SH3BP4: variants seen among roughly 807,000 people sequenced by gnomAD.
SH3BP4 encodes SH3 domain-binding protein 4.
Under a neutral mutation model 65.5 loss-of-function variants are expected in SH3BP4, and 33 were observed. That is an observed-to-expected ratio of 0.50 (90% CI 0.38 to 0.67). The LOEUF is 0.67. Ranked by LOEUF, SH3BP4 falls within the 30% of genes least tolerant of loss-of-function variation. The pLI, the probability that SH3BP4 is intolerant of heterozygous loss-of-function variation, is 0.00. For synonymous variants in SH3BP4, 552 were observed against 545.5 expected, an observed-to-expected ratio of 1.01 and a Z score of -0.17; for missense variants, 1,134 against 1,261.4, an observed-to-expected ratio of 0.90 and a Z score of 1.53.
chr2:235,017,087 T>C (rs1694709380), intron 2 of SH3BP4, among the ~76,000 whole-genome samples: 1 of 143,648 alleles, frequency 7.0e-6, no homozygotes, highest in Non-Finnish European at 1.5e-5. Context: ...AGCCTTCTCA[T>C]GTACCCAAAG....
chr2:235,032,398 A>G (rs774748725), intron 2 of SH3BP4, among the ~76,000 whole-genome samples: 2 of 152,194 alleles, frequency 1.3e-5, no homozygotes, highest in Non-Finnish European at 2.9e-5. Flanking sequence ...TCACCCACTC[A>G]TGGGTCTCTT....
At chr2:235,003,830 C>G (rs1694208034) in intron 2 of SH3BP4, among the ~76,000 whole-genome samples, 1 of 152,242 alleles carries the variant, frequency 6.6e-6, no homozygotes, top group Non-Finnish European at 1.5e-5. Flanking sequence ...GGCCCCACCC[C>G]TGTCCTCACC....
rs565683634 is a variant in SH3BP4 at position 234,978,947 on chromosome 2, G to C, written c.-206-16356G>C. ...TTTGGTTTGGCGAGGAGAGACAGCA[G>C]GATTTCTGGGTGCCGGACATGCTTC... On this transcript the variant is annotated intron_variant, in intron 1 of 5. Coordinates refer to ENST00000392011, the MANE Select transcript of SH3BP4 (RefSeq NM_014521.3). This position sits in a 1 kb window ranked among gnomAD's most constrained non-coding sequence, Gnocchi z 4.1. 1 of 152,302 alleles carries C rather than the reference G, an allele frequency of 6.6e-6. No individual in the cohort carries two copies. Among genetic ancestry groups the C allele is most frequent in the South Asian group, 2.1e-4 (1 of 4,810 alleles). The allele number at this position is 152,302 out of a possible 1,614,324, so 9.4% of individuals were successfully genotyped here. A position where few individuals can be genotyped will look rare whatever the true frequency, so the allele number is the denominator to read the frequency against.
In SH3BP4 at chr2:234,968,673, C is replaced by T. The variant is rs6707478; in HGVS notation, c.-207+16503C>T. ...TGTTGGACTGTCAGGTCTCAAGAGA[C>T]GGGCTTGGGTTTCCCTGTGTGGCTG... On this transcript the variant is annotated intron_variant, in intron 1 of 5. Coordinates refer to ENST00000392011, the MANE Select transcript of SH3BP4 (RefSeq NM_014521.3). Among the ~76,000 whole-genome samples the T allele has an allele frequency of 4.3e-3, 651 of 152,246 alleles. 1 individual carries two copies. The highest frequency in any genetic ancestry group is 0.011 in the African/African-American group (453 of 41,544).
At chr2:234,954,867 G>A (rs1692552736) in intron 1 of SH3BP4, among the ~76,000 whole-genome samples, 1 of 152,090 alleles carries the variant, frequency 6.6e-6, no homozygotes, top group Non-Finnish European at 1.5e-5. Flanking sequence ...CCCAAACAAG[G>A]TTGAGAGCTC....
chr2:235,029,771 C>G (rs538659577), intron 2 of SH3BP4, among the ~76,000 whole-genome samples: 8 of 152,284 alleles, frequency 5.3e-5, no homozygotes, highest in Admixed American at 3.3e-4. Flanking sequence ...TTCACGGGTG[C>G]GGCACTCGGG....
chr2:235,047,218 TA>T (rs1319679976), intron 4 of SH3BP4, among the ~76,000 whole-genome samples: 2 of 152,130 alleles, frequency 1.3e-5, no homozygotes, highest in African/African-American at 2.4e-5. Flanking sequence ...CAATAAGCCG[TA>T]GGGGGAGTCA....
At chr2:234,996,719 C>T (rs1288443757) in intron 2 of SH3BP4, among the ~76,000 whole-genome samples, 1 of 152,188 alleles carries the variant, frequency 6.6e-6, no homozygotes, top group South Asian at 2.1e-4. Context: ...AAATCAAAGG[C>T]GAGCACTGCA....
chr2:235,006,519 C>T (rs1413168427), intron 2 of SH3BP4, among the ~76,000 whole-genome samples: 4 of 152,180 alleles, frequency 2.6e-5, no homozygotes, highest in African/African-American at 9.6e-5. Context: ...GCAGGCGGGA[C>T]CACAGGACTC....
chr2:234,970,136 C>T (rs920566992), intron 1 of SH3BP4, among the ~76,000 whole-genome samples: 1 of 152,132 alleles, frequency 6.6e-6, no homozygotes, highest in Admixed American at 6.6e-5. Flanking sequence ...CTTACACACA[C>T]ACTCTCACAC....
intron 2 of SH3BP4, among the ~76,000 whole-genome samples, chr2:235,021,618 CCAAA>C (rs1559247201): frequency 9.9e-6 from 1 of 101,362 alleles, no homozygotes; most frequent in African/African-American, 5.0e-5. Context: ...GACTTTGTCT[CCAAA>C]AAAAAAAAAA....
At chr2:235,019,241 G>A (rs940964563) in intron 2 of SH3BP4, among the ~76,000 whole-genome samples, 1 of 152,108 alleles carries the variant, frequency 6.6e-6, no homozygotes, top group African/African-American at 2.4e-5. Context: ...GCCCAGGAGG[G>A]CGCTGCAGGG....
chr2:234,960,413 TAC>T (rs2106240080), intron 1 of SH3BP4, among the ~76,000 whole-genome samples: 1 of 152,370 alleles, frequency 6.6e-6, no homozygotes, highest in South Asian at 2.1e-4. Flanking sequence ...TTCTCTCCTT[TAC>T]AGTGTGGGAC....
intron 2 of SH3BP4, among the ~76,000 whole-genome samples, chr2:235,002,855 C>A (rs1694174832): frequency 6.6e-6 from 1 of 152,222 alleles, no homozygotes; most frequent in African/African-American, 2.4e-5. Flanking sequence ...AACGGAAGGC[C>A]ACACAAGATT....
In SH3BP4 at chr2:235,035,024, G is replaced by T. The variant is rs1271428748; in HGVS notation, c.22G>T (p.Ala8Ser). The change falls in exon 3 of 6, where the codon GCG becomes TCG. Residue 8 changes from alanine (A) to serine (S), a missense_variant. Coordinates refer to ENST00000392011, the MANE Select transcript of SH3BP4 (RefSeq NM_014521.3). The surrounding 1 kb of genome is among the most constrained non-coding windows in gnomAD (Gnocchi z 5.0). MAAQRIRAANSNGLPRCK... is the reference protein window; with the variant it reads MAAQRIRSANSNGLPRCK... ...CGAGATGGCGGCTCAGCGGATCCGA[G>T]CGGCCAACTCCAATGGCCTCCCTCG... 1.2e-6 allele frequency: 2 copies of T among 1,614,008 alleles called. No individual in the cohort carries two copies. Among genetic ancestry groups the T allele is most frequent in the African/African-American group, 2.7e-5 (2 of 74,924 alleles).
Position 235,012,960 on chromosome 2 carries a change from G to GGCCGGAC in SH3BP4, c.-133+17589_-133+17595dup, listed in dbSNP as rs1472380102. On this transcript the variant is annotated intron_variant, in intron 2 of 5. Coordinates refer to ENST00000392011, the MANE Select transcript of SH3BP4 (RefSeq NM_014521.3). ...TCTGCGCCTAGGCTGTGGGGCTGGAGGCCGGACGCCGAATGTGCACGCTCC... is the reference window on the plus strand; with the variant it reads ...TCTGCGCCTAGGCTGTGGGGCTGGAGGCCGGACGCCGGACGCCGAATGTGCACGCTCC... Among the ~76,000 whole-genome samples the GGCCGGAC allele has an allele frequency of 2.6e-5, 4 of 152,346 alleles. No homozygotes were observed. In the South Asian group the frequency reaches 8.3e-4, roughly 32 times the overall value.
At chr2:235,017,027 G>A (rs1347602319) in intron 2 of SH3BP4, among the ~76,000 whole-genome samples, 5 of 146,832 alleles carry the variant, frequency 3.4e-5, no homozygotes, top group African/African-American at 1.0e-4. Flanking sequence ...TTTCGGCAGC[G>A]AGTTTCTGTT....
chr2:234,970,007 TCACA>T (rs368919095), intron 1 of SH3BP4, among the ~76,000 whole-genome samples: 7 of 150,240 alleles, frequency 4.7e-5, no homozygotes, highest in Non-Finnish European at 7.4e-5. Context: ...ACTCGCTGTC[TCACA>T]CACACACACT....
chr2:235,015,041 A>G (rs977739099), intron 2 of SH3BP4, among the ~76,000 whole-genome samples: 2 of 152,234 alleles, frequency 1.3e-5, no homozygotes, highest in Non-Finnish European at 2.9e-5. Context: ...GGCTCAAACA[A>G]ATGCAAATAA....
Sources: gnomAD v4.1 joint callset for allele counts (sites outside exome capture counted in the v4.1 genomes callset) on GRCh38, gnomAD v4.1.1 for gene constraint, Gnocchi (gnomAD v3.1) non-coding constraint, MANE v1.5 for transcripts, NCBI Gene and HGNC (gene_info 2026-07-23, HGNC 2026-07-21) for gene names.